The following EFNA5 variants were observed in gnomAD, a reference collection of about 807,000 sequenced individuals.
The protein encoded by EFNA5 is ephrin-A5.
Under a neutral mutation model 22.9 loss-of-function variants are expected in EFNA5, and 5 were observed. The ratio of observed to expected loss-of-function variants is 0.22; its 90% confidence interval spans 0.11 to 0.46. EFNA5 has a LOEUF of 0.46. EFNA5 is among the 20% of genes least tolerant of loss of function. The probability of loss-of-function intolerance (pLI) is 0.99; values close to 1 mark genes in which losing one functional copy is unlikely to be tolerated. For missense variants in EFNA5, 237 were observed against 293.3 expected, an observed-to-expected ratio of 0.81 and a Z score of 1.40; for synonymous variants, 113 against 112.2, an observed-to-expected ratio of 1.01 and a Z score of -0.04.
intron 2 of EFNA5, among the ~76,000 whole-genome samples, chr5:107,415,857 TAAGGCTAG>T (rs1473722986): frequency 6.6e-6 from 1 of 152,188 alleles, no homozygotes; most frequent in Admixed American, 6.5e-5. Context: ...CTGTGCTGCT[TAAGGCTAG>T]ATAAGGTAAG....
intron 1 of EFNA5, among the ~76,000 whole-genome samples, chr5:107,533,796 C>T (rs1030038341): frequency 6.6e-6 from 1 of 152,162 alleles, no homozygotes; most frequent in Admixed American, 6.5e-5. Context: ...ATCTTTGTCA[C>T]GGAGCTAGAC....
At chr5:107,603,962 A>C (rs1180597876) in intron 1 of EFNA5, among the ~76,000 whole-genome samples, 1 of 152,240 alleles carries the variant, frequency 6.6e-6, no homozygotes, top group Non-Finnish European at 1.5e-5. Flanking sequence ...CTTACCTTAC[A>C]AAAAGAATAT....
intron 1 of EFNA5, among the ~76,000 whole-genome samples, chr5:107,647,077 T>G (rs565340832): frequency 5.2e-4 from 79 of 152,276 alleles, no homozygotes; most frequent in African/African-American, 1.9e-3. Flanking sequence ...ATCTCTGTGA[T>G]GTTATCACCC....
intron 1 of EFNA5, among the ~76,000 whole-genome samples, chr5:107,612,928 G>A (rs1232643041): frequency 6.6e-6 from 1 of 150,772 alleles, no homozygotes; most frequent in Non-Finnish European, 1.5e-5. Context: ...AGCAAAACAG[G>A]GAATAAAATA....
At chr5:107,623,452 A>G (rs1750080008) in intron 1 of EFNA5, among the ~76,000 whole-genome samples, 4 of 152,166 alleles carry the variant, frequency 2.6e-5, no homozygotes. Flanking sequence ...TACATAGAAA[A>G]ACTCTTTCTT....
chr5:107,654,742 C>T (rs1427669345), intron 1 of EFNA5, among the ~76,000 whole-genome samples: 2 of 152,046 alleles, frequency 1.3e-5, no homozygotes, highest in African/African-American at 4.8e-5. Context: ...CATAACTCAG[C>T]CTTTCACAAA....
chr5:107,466,049 C>G (rs1749971085), intron 1 of EFNA5, among the ~76,000 whole-genome samples: 2 of 152,108 alleles, frequency 1.3e-5, no homozygotes, highest in African/African-American at 4.8e-5. Context: ...CATCAAGTCA[C>G]CTTGCTCCTA....
At chr5:107,580,588 T>C (rs1412083555) in intron 1 of EFNA5, among the ~76,000 whole-genome samples, 2 of 151,296 alleles carry the variant, frequency 1.3e-5, no homozygotes, top group Admixed American at 6.6e-5. Context: ...CCGGGCATGG[T>C]GGCGGGAGCC....
At chr5:107,557,047 T>C (rs557303134) in intron 1 of EFNA5, among the ~76,000 whole-genome samples, 18 of 152,076 alleles carry the variant, frequency 1.2e-4, no homozygotes, top group African/African-American at 4.3e-4. Context: ...AAACGGCTGT[T>C]TGGGCCCAAA....
At chr5:107,556,234 G>A (rs184550528) in intron 1 of EFNA5, among the ~76,000 whole-genome samples, 2 of 152,242 alleles carry the variant, frequency 1.3e-5, no homozygotes, top group East Asian at 3.9e-4. Context: ...TAGTAACCAG[G>A]AGAACTACAT....
At chr5:107,518,030 C>T (rs567772565) in intron 1 of EFNA5, among the ~76,000 whole-genome samples, 3 of 152,238 alleles carry the variant, frequency 2.0e-5, no homozygotes, top group African/African-American at 7.2e-5. Context: ...AATGAAGGCA[C>T]TGTAAACAGC....
At chr5:107,581,224 A>C (rs1749068358) in intron 1 of EFNA5, among the ~76,000 whole-genome samples, 1 of 152,198 alleles carries the variant, frequency 6.6e-6, no homozygotes, top group Non-Finnish European at 1.5e-5. Context: ...CCTTGGAACA[A>C]ACTAATACAG....
chr5:107,424,796 C>T (rs776874649), intron 2 of EFNA5, among the ~76,000 whole-genome samples: 5 of 152,132 alleles, frequency 3.3e-5, no homozygotes, highest in South Asian at 4.1e-4. Context: ...GTACATTAAA[C>T]GTCTGTAAGA....
intron 1 of EFNA5, among the ~76,000 whole-genome samples, chr5:107,483,200 ATGT>A (rs1406194340): frequency 2.6e-5 from 4 of 152,134 alleles, no homozygotes; most frequent in African/African-American, 7.2e-5. Flanking sequence ...ACATCAAACT[ATGT>A]TGTTGTTGTT....
intron 2 of EFNA5, among the ~76,000 whole-genome samples, chr5:107,406,500 C>T (rs1352116348): frequency 6.6e-5 from 10 of 151,444 alleles, no homozygotes; most frequent in South Asian, 2.1e-4. Flanking sequence ...TCTTTAGGTC[C>T]CTCCTCCAAT....
chr5:107,551,746 C>T (rs1426290367), intron 1 of EFNA5, among the ~76,000 whole-genome samples: 3 of 152,094 alleles, frequency 2.0e-5, no homozygotes, highest in East Asian at 1.9e-4. Context: ...CGATTCATTC[C>T]GTCTCTTTCC....
chr5:107,500,196 G>A (rs188949563), intron 1 of EFNA5, among the ~76,000 whole-genome samples: 82 of 152,248 alleles, frequency 5.4e-4, no homozygotes, highest in African/African-American at 1.9e-3. Flanking sequence ...ACTATAAGTT[G>A]ATCATTAGTA....
chr5:107,529,430 C>A (rs1016605304), intron 1 of EFNA5, among the ~76,000 whole-genome samples: 66 of 152,106 alleles, frequency 4.3e-4, no homozygotes, highest in Non-Finnish European at 7.9e-4. Context: ...GCTCACCATG[C>A]CTGCACACTG....
intron 1 of EFNA5, among the ~76,000 whole-genome samples, chr5:107,531,932 G>A (rs895597467): frequency 1.3e-5 from 2 of 152,182 alleles, no homozygotes; most frequent in African/African-American, 4.8e-5. Flanking sequence ...AACTGCAATG[G>A]TAAATAGGAG....
Sources: allele counts gnomAD v4.1 joint callset (sites outside exome capture counted in the v4.1 genomes callset), GRCh38; gene constraint gnomAD v4.1.1; transcripts MANE v1.5; gene names NCBI Gene and HGNC (gene_info 2026-07-23, HGNC 2026-07-21).